LAMA3: variants seen among roughly 807,000 people sequenced by gnomAD.
The protein encoded by LAMA3 is laminin subunit alpha-3.
In LAMA3, 281 loss-of-function variants were observed where a neutral mutation model predicts 402.0. That is an observed-to-expected ratio of 0.70 (90% CI 0.63 to 0.77). The LOEUF is 0.77. Ranked by LOEUF, LAMA3 falls within the 30% of genes least tolerant of loss-of-function variation. The probability of loss-of-function intolerance (pLI) is 0.00; values close to 1 mark genes in which losing one functional copy is unlikely to be tolerated. For synonymous variants in LAMA3, 1,431 were observed against 1,558.4 expected (o/e 0.92, Z 1.93); for missense variants, 3,840 against 4,215.5 (o/e 0.91, Z 2.47).
chr18:23,864,017 AGGAGAATTGTTTTT>A lies in LAMA3; in HGVS notation c.4585-761_4585-748del, dbSNP rs1290310534. ...TGGGAAATGTTCACCATCTGCTTTC[AGGAGAATTGTTTTT>A]GGAGAAAATTTATTTTTAGAGGTTA... On this transcript the variant is annotated intron_variant, in intron 35 of 74. Coordinates refer to ENST00000313654, the MANE Select transcript of LAMA3 (RefSeq NM_198129.4). 2.6e-5 allele frequency among the ~76,000 whole-genome samples: 4 copies of A among 152,308 alleles called. No individual in the cohort carries two copies. The East Asian group carries it at 5.8e-4, about 22-fold the overall frequency.
intron 8 of LAMA3, among the ~76,000 whole-genome samples, chr18:23,769,569 G>T (rs1336669228): frequency 6.6e-6 from 1 of 152,126 alleles, no homozygotes; most frequent in Non-Finnish European, 1.5e-5. Context: ...CAGCTAAAAG[G>T]CCAATAGATA....
Position 23,864,868 on chromosome 18 carries a change from G to A in LAMA3, c.4668G>A (p.Pro1556=), listed in dbSNP as rs200532263. ...PGDMVLLEKK[P]DVQLTGQHMS... is the part of the protein sequence containing the mutation. ...ACATGGTTCTTCTGGAAAAGAAGCC[G>A]GATGTACAGCTCACTGTAGGTATCA... The change falls in exon 36 of 75, where the codon CCG becomes CCA. Residue 1556 remains proline, a synonymous_variant. Coordinates refer to ENST00000313654, the MANE Select transcript of LAMA3 (RefSeq NM_198129.4). The A allele has an allele frequency of 1.1e-4, 174 of 1,611,890 alleles. No homozygotes were observed. Among genetic ancestry groups the A allele is most frequent in the Middle Eastern group, 3.3e-4 (2 of 6,054 alleles).
intron 18 of LAMA3, among the ~76,000 whole-genome samples, chr18:23,817,164 C>T (rs572704253): frequency 7.9e-5 from 12 of 152,136 alleles, no homozygotes; most frequent in African/African-American, 2.2e-4. Flanking sequence ...ACTATAGGAG[C>T]GAGGGAATGA....
chr18:23,729,773 A>G (rs949512246), intron 2 of LAMA3, among the ~76,000 whole-genome samples: 9 of 152,260 alleles, frequency 5.9e-5, no homozygotes, highest in Non-Finnish European at 1.2e-4. Flanking sequence ...TGGGAAGCCC[A>G]GAGATGTTTC....
At chr18:23,911,964 A>G (rs2081441457) in intron 55 of LAMA3, among the ~76,000 whole-genome samples, 1 of 144,950 alleles carries the variant, frequency 6.9e-6, no homozygotes, top group African/African-American at 2.5e-5. Flanking sequence ...TAATTTATGC[A>G]TTTATTATAT....
chr18:23,894,404 T>A (rs937604023), intron 43 of LAMA3, 56 bp downstream of exon 43: 69 of 1,433,848 alleles, frequency 4.8e-5, no homozygotes, highest in Non-Finnish European at 6.5e-5. Flanking sequence ...TGGTTTAAGA[T>A]ATGTGAGCAC....
chr18:23,711,225 T>C lies in LAMA3; in HGVS notation c.295-2695T>C, dbSNP rs375742845. On this transcript the variant is annotated intron_variant, in intron 1 of 74. Coordinates refer to ENST00000313654, the MANE Select transcript of LAMA3 (RefSeq NM_198129.4). ...TATCAGTCAGACTTCCAAATGTCAG[T>C]GTTGACACCTGTGATGCTGTCTTGC... 5.2e-4 allele frequency among the ~76,000 whole-genome samples: 79 copies of C among 152,354 alleles called. 2 individuals are homozygous for C. The South Asian group carries it at 0.016, about 31-fold the overall frequency.
At chr18:23,901,745 C>G (rs1246671509) in intron 48 of LAMA3, among the ~76,000 whole-genome samples, 1 of 152,204 alleles carries the variant, frequency 6.6e-6, no homozygotes, top group African/African-American at 2.4e-5. Context: ...AAGCCATAAT[C>G]TGCTTTATAG....
At chr18:23,886,479 AT>A (rs955143015) in intron 41 of LAMA3, among the ~76,000 whole-genome samples, 127 of 148,928 alleles carry the variant, frequency 8.5e-4, no homozygotes, top group African/African-American at 1.8e-3. Flanking sequence ...CATCTCCATA[AT>A]TTTTTTTTTT....
intron 9 of LAMA3, among the ~76,000 whole-genome samples, chr18:23,775,059 T>C (rs1251121054): frequency 1.3e-5 from 2 of 152,144 alleles, no homozygotes; most frequent in Non-Finnish European, 2.9e-5. Flanking sequence ...CCTAACTAAA[T>C]TAAGCAAAGG....
intron 1 of LAMA3, among the ~76,000 whole-genome samples, chr18:23,696,928 TG>T (rs1395552051): frequency 6.6e-6 from 1 of 152,204 alleles, no homozygotes; most frequent in Non-Finnish European, 1.5e-5. Context: ...TTCTGGGGTG[TG>T]GTCTTTCTCT....
At chr18:23,786,232 TAGA>T (rs2062542815) in intron 12 of LAMA3, among the ~76,000 whole-genome samples, 1 of 152,130 alleles carries the variant, frequency 6.6e-6, no homozygotes, top group Admixed American at 6.5e-5. Flanking sequence ...ATCTGTTTTA[TAGA>T]AGATCTACCC....
chr18:23,788,635 C>T (rs2062592440), intron 12 of LAMA3, among the ~76,000 whole-genome samples: 1 of 151,784 alleles, frequency 6.6e-6, no homozygotes, highest in Non-Finnish European at 1.5e-5. Flanking sequence ...TATGAAGAAA[C>T]TAAACGTAAG....
At chr18:23,869,468 A>C (rs932361367) in intron 37 of LAMA3, among the ~76,000 whole-genome samples, 3 of 152,220 alleles carry the variant, frequency 2.0e-5, no homozygotes, top group Admixed American at 6.5e-5. Flanking sequence ...CTAAAATTAC[A>C]TTATGATGAT....
chr18:23,846,020 G>A (rs1252310864), intron 30 of LAMA3, among the ~76,000 whole-genome samples: 1 of 152,102 alleles, frequency 6.6e-6, no homozygotes, highest in Non-Finnish European at 1.5e-5. Context: ...ATAACATATA[G>A]TTCATCTTTT....
At chr18:23,858,979 G>A in intron 34 of LAMA3, 150 bp downstream of exon 34, 1 of 817,512 alleles carries the variant, frequency 1.2e-6, no homozygotes, top group Non-Finnish European at 2.1e-6. Flanking sequence ...TGTGTTCAGA[G>A]GGGCTTTCCT....
At chr18:23,826,272 G>C (rs1704049155) in intron 21 of LAMA3, among the ~76,000 whole-genome samples, 1 of 152,220 alleles carries the variant, frequency 6.6e-6, no homozygotes, top group African/African-American at 2.4e-5. Context: ...AGATCACAAG[G>C]CATTGCTTTT....
At chr18:23,837,134 A>T (rs774427732) in intron 25 of LAMA3, 45 bp downstream of exon 25, 9 of 1,326,496 alleles carry the variant, frequency 6.8e-6, no homozygotes, top group Middle Eastern at 1.8e-4. Flanking sequence ...CATTTTGCTG[A>T]TATCTATATT....
chr18:23,909,636 T>G (rs1308495550), intron 55 of LAMA3, among the ~76,000 whole-genome samples: 1 of 152,246 alleles, frequency 6.6e-6, no homozygotes, highest in Non-Finnish European at 1.5e-5. Flanking sequence ...AGTGTGATAC[T>G]GCACAGGACC....
Sources: gnomAD v4.1 joint callset for allele counts (sites outside exome capture counted in the v4.1 genomes callset) on GRCh38, gnomAD v4.1.1 for gene constraint, MANE v1.5 for transcripts, NCBI Gene and HGNC (gene_info 2026-07-23, HGNC 2026-07-21) for gene names.